EPRS1: variants seen among roughly 807,000 people sequenced by gnomAD.
EPRS1 encodes the protein glutamyl-prolyl-tRNA synthetase 1, also known as bifunctional glutamate/proline--tRNA ligase.
In EPRS1, 107 loss-of-function variants were observed where a neutral mutation model predicts 188.3. The ratio of observed to expected loss-of-function variants is 0.57; its 90% confidence interval spans 0.49 to 0.67. The LOEUF (loss-of-function observed/expected upper bound fraction) is 0.67, where lower values mean the gene tolerates loss of function less well. Among genes scored for constraint, EPRS1 ranks in the 30% least tolerant of loss-of-function variants. EPRS1 has a pLI of 0.00. For synonymous variants in EPRS1, 596 were observed against 593.1 expected (o/e 1.00, Z -0.07); for missense variants, 1,577 against 1,802.2 (o/e 0.88, Z 2.26).
intron 1 of EPRS1, among the ~76,000 whole-genome samples, chr1:220,042,931 A>C: frequency 6.6e-6 from 1 of 152,188 alleles, no homozygotes; most frequent in East Asian, 1.9e-4. Context: ...AAAAACAAAC[A>C]AACAAAAAAC....
At chr1:220,014,963 T>G (rs1240841641) in intron 12 of EPRS1, among the ~76,000 whole-genome samples, 1 of 151,940 alleles carries the variant, frequency 6.6e-6, no homozygotes, top group African/African-American at 2.4e-5. Context: ...ATTTTGAAAA[T>G]TCAGAGAACA....
At chr1:219,978,965 T>TATA (rs33914465) in intron 27 of EPRS1, among the ~76,000 whole-genome samples, 3 of 9,536 alleles carry the variant, frequency 3.1e-4, no homozygotes, top group African/African-American at 4.1e-4. Context: ...TATATATATA[T>TATA]TTTTTTTTCC....
chr1:220,043,543 T>G (rs1221068307), intron 1 of EPRS1, among the ~76,000 whole-genome samples: 1 of 152,150 alleles, frequency 6.6e-6, no homozygotes, highest in African/African-American at 2.4e-5. Context: ...TGGGTGAAGA[T>G]CTGATGCAAA....
chr1:220,034,650 G>A lies in EPRS1; in HGVS notation c.231+264C>T, dbSNP rs145170057. 5.9e-5 allele frequency among the ~76,000 whole-genome samples: 9 copies of A among 152,258 alleles called. No homozygotes were observed. In the East Asian group the frequency reaches 1.3e-3, roughly 23 times the overall value. On this transcript the variant is annotated intron_variant, in intron 3 of 31. Transcript: ENST00000366923. ...GCCCCATCTGGCTATGAAATGCTAG[G>A]AATCTGTGAAGGCCAAGATGGCACT...
rs1276902180 is a variant in EPRS1 at position 219,981,473 on chromosome 1, A to C, written c.3374-16T>G. 1 of 1,542,708 alleles carries C rather than the reference A, an allele frequency of 6.5e-7. No homozygotes were observed. The highest frequency in any genetic ancestry group is 1.4e-5 in the African/African-American group (1 of 73,196). ...GGATACATTACTGAAAGACACGGGA[A>C]AATAGAGACAGTCATTTAAGGCTTT... On this transcript the variant is annotated splice_polypyrimidine_tract_variant and intron_variant, in intron 23 of 31. Transcript: ENST00000366923.
chr1:220,024,210 C>G, intron 8 of EPRS1, 54 bp downstream of exon 8: 1 of 1,213,526 alleles, frequency 8.2e-7, no homozygotes, highest in Non-Finnish European at 1.1e-6. Flanking sequence ...TCACGTTCTA[C>G]TAAAGAAGCA....
intron 16 of EPRS1, among the ~76,000 whole-genome samples, chr1:220,004,060 C>T (rs1285598294): frequency 6.6e-6 from 1 of 152,146 alleles, no homozygotes; most frequent in Non-Finnish European, 1.5e-5. Context: ...GAGAGTCTTG[C>T]TCTGTCACCA....
At chr1:220,015,277 A>C (rs1661680413) in intron 12 of EPRS1, among the ~76,000 whole-genome samples, 1 of 147,606 alleles carries the variant, frequency 6.8e-6, no homozygotes, top group African/African-American at 2.6e-5. Flanking sequence ...AGCTTGGCCA[A>C]GATGATGAAA....
At chr1:220,042,793 C>T (rs543964703) in intron 1 of EPRS1, among the ~76,000 whole-genome samples, 3 of 149,564 alleles carry the variant, frequency 2.0e-5, no homozygotes, top group Non-Finnish European at 3.0e-5. Flanking sequence ...TGGTGGCATG[C>T]GCCTATAGTC....
chr1:219,984,334 G>A (rs1660961474), intron 20 of EPRS1, 77 bp from the exon 21 acceptor site: 1 of 963,940 alleles, frequency 1.0e-6, no homozygotes, highest in Non-Finnish European at 1.7e-6. Context: ...AACCTCTAAA[G>A]TTCAAAATAG....
At chr1:220,016,867 C>A (rs1189871847) in intron 12 of EPRS1, among the ~76,000 whole-genome samples, 9 of 152,120 alleles carry the variant, frequency 5.9e-5, no homozygotes, top group African/African-American at 1.9e-4. Context: ...GGGAAGTCAA[C>A]TAATATGTCT....
At position 220,019,029 on chromosome 1, in the gene EPRS1, G is replaced by C; in HGVS notation, c.1400C>G (p.Thr467Arg). ...AATAAACTGTTTCAGTCCTTCAACT[G>C]TCATCCCTCTTCTCAGTACACCACG... ...TVRGVLRRGM[T>R]VEGLKQFIAA... is the part of the protein sequence containing the mutation. The change falls in exon 11 of 32, where the codon ACA (threonine) becomes AGA (arginine). Residue 467 changes from threonine to arginine, a missense_variant. By Grantham distance (71) the Thr-to-Arg change is moderately conservative. Coordinates refer to ENST00000366923, the MANE Select transcript of EPRS1 (RefSeq NM_004446.3). 6.2e-7 allele frequency: 1 copy of C among 1,613,278 alleles called. No homozygotes were observed. The highest frequency in any genetic ancestry group is 8.5e-7 in the Non-Finnish European group (1 of 1,179,338).
chr1:219,986,499 C>G (rs915434722), intron 20 of EPRS1, among the ~76,000 whole-genome samples: 1 of 152,108 alleles, frequency 6.6e-6, no homozygotes, highest in Non-Finnish European at 1.5e-5. Flanking sequence ...ATCTTATGGA[C>G]CAATGTCATA....
At chr1:219,984,816 G>A (rs1174749417) in intron 20 of EPRS1, among the ~76,000 whole-genome samples, 1 of 152,144 alleles carries the variant, frequency 6.6e-6, no homozygotes, top group African/African-American at 2.4e-5. Flanking sequence ...GCCAAGGCAG[G>A]CAGATCACCT....
Position 219,973,349 on chromosome 1 carries a change from T to TG in EPRS1, c.4132dup (p.Gln1378ProfsTer17). On this transcript the variant is annotated frameshift_variant, in exon 29 of 32. Coordinates refer to ENST00000366923, the MANE Select transcript of EPRS1 (RefSeq NM_004446.3). LOFTEE classifies it high-confidence loss of function. ...AGTATCTCGTCTGACGGCTACAAAC[T>TG]GACAGCTCTTCATATCACGTGGCCC... 6.2e-7 allele frequency: 1 copy of TG among 1,612,424 alleles called. No homozygotes were observed. Among genetic ancestry groups the TG allele is most frequent in the Non-Finnish European group, 8.5e-7 (1 of 1,179,604 alleles).
intron 2 of EPRS1, among the ~76,000 whole-genome samples, chr1:220,036,401 T>C (rs1023957204): frequency 1.3e-5 from 2 of 152,026 alleles, no homozygotes; most frequent in African/African-American, 4.8e-5. Flanking sequence ...ACTGCAGCGC[T>C]ATTCACAATA....
chr1:220,006,215 G>A lies in EPRS1; in HGVS notation c.1841C>T (p.Thr614Ile). The A allele has an allele frequency of 1.2e-6, 2 of 1,605,898 alleles. No individual in the cohort carries two copies. Among genetic ancestry groups the A allele is most frequent in the Non-Finnish European group, 8.5e-7 (1 of 1,174,724 alleles). Residue 614 changes from threonine to isoleucine, a missense_variant, in exon 15 of 32, where the codon ACA (threonine) becomes ATA (isoleucine). This residue lies in a region of EPRS1 where 1,278 missense variants were observed against 1,457.4 expected (regional missense o/e 0.88). Coordinates refer to ENST00000366923, the MANE Select transcript of EPRS1 (RefSeq NM_004446.3). Reference sequence around the variant, plus strand: ...GATTACTGGAATAGGAAGAGCATGTGTAGTCTCTGCAAGCCAAGTGACCTT... The same window carrying A: ...GATTACTGGAATAGGAAGAGCATGTATAGTCTCTGCAAGCCAAGTGACCTT... The part of the protein sequence containing the change: ...TTKVTWLAET[T>I]HALPIPVICV...
At chr1:220,002,323 ACT>A (rs1208487121) in intron 16 of EPRS1, among the ~76,000 whole-genome samples, 1 of 143,410 alleles carries the variant, frequency 7.0e-6, no homozygotes, top group African/African-American at 2.5e-5. Flanking sequence ...CAGGAGAGAA[ACT>A]CTGCCTCAAT....
intron 25 of EPRS1, 66 bp downstream of exon 25, chr1:219,980,690 A>C: frequency 8.8e-7 from 1 of 1,139,642 alleles, no homozygotes; most frequent in South Asian, 1.3e-5. Context: ...CATTTTAAAT[A>C]ACAAAATTGC....
Sources: allele counts gnomAD v4.1 joint callset (sites outside exome capture counted in the v4.1 genomes callset), GRCh38; gene constraint gnomAD v4.1.1; regional missense constraint gnomAD v4.1.1; transcripts MANE v1.5; gene names NCBI Gene and HGNC (gene_info 2026-07-23, HGNC 2026-07-21).